Variants in LINGO1 observed in about 807,000 individuals in gnomAD.
The protein encoded by LINGO1 is leucine-rich repeat and immunoglobulin-like domain-containing nogo receptor-interacting protein 1.
LINGO1 carries 11 observed loss-of-function variants against 37.3 expected under a neutral mutation model. That is an observed-to-expected ratio of 0.29 (90% CI 0.19 to 0.49). The LOEUF (loss-of-function observed/expected upper bound fraction) is 0.49, where lower values mean the gene tolerates loss of function less well. Ranked by LOEUF, LINGO1 falls within the 20% of genes least tolerant of loss-of-function variation. The pLI is 0.99. For missense variants in LINGO1, 585 were observed against 878.2 expected (o/e 0.67, Z 4.22); for synonymous variants, 387 against 403.0 (o/e 0.96, Z 0.48).
At chr15:77,775,761 T>C (rs2076631240) in intron 1 of LINGO1, among the ~76,000 whole-genome samples, 1 of 151,640 alleles carries the variant, frequency 6.6e-6, no homozygotes, top group South Asian at 2.1e-4. Flanking sequence ...GTTAGTTTCC[T>C]AAGTCTGAAA....
chr15:77,669,392 C>T (rs1440836066), intron 3 of LINGO1, among the ~76,000 whole-genome samples: 1 of 152,258 alleles, frequency 6.6e-6, no homozygotes, highest in Non-Finnish European at 1.5e-5. Context: ...TCTCATCTCA[C>T]TCCTTCATCT....
At chr15:77,818,767 T>TGGCGCCCGGAGCGGCTCCAGCGC (rs2077069557) in intron 1 of LINGO1, among the ~76,000 whole-genome samples, 1 of 152,004 alleles carries the variant, frequency 6.6e-6, no homozygotes, top group Non-Finnish European at 1.5e-5. Flanking sequence ...CATAGTAGTC[T>TGGCGCCCGGAGCGGCTCCAGCGC]GGCGCCCGGA....
chr15:77,758,417 T>C (rs2076441750), intron 1 of LINGO1, among the ~76,000 whole-genome samples: 1 of 152,150 alleles, frequency 6.6e-6, no homozygotes, highest in Admixed American at 6.5e-5. Flanking sequence ...TTGACCTTTC[T>C]TGGGTATTTC....
chr15:77,641,650 C>A, intron 3 of LINGO1: 1 of 357,950 alleles, frequency 2.8e-6, no homozygotes, highest in Non-Finnish European at 5.5e-6. Flanking sequence ...GAGGAGTGGG[C>A]GTGGTAGGAG....
intron 1 of LINGO1, among the ~76,000 whole-genome samples, chr15:77,816,384 C>T (rs1426494589): frequency 2.6e-5 from 4 of 152,216 alleles, no homozygotes; most frequent in African/African-American, 9.6e-5. Flanking sequence ...ACGGAAGAAA[C>T]TCTGAGACTG....
intron 3 of LINGO1, among the ~76,000 whole-genome samples, chr15:77,643,377 G>A (rs1001920638): frequency 7.2e-5 from 11 of 152,206 alleles, no homozygotes; most frequent in South Asian, 2.1e-4. Flanking sequence ...GAGGTCCGCA[G>A]TGGGAAGGGC....
intron 1 of LINGO1, among the ~76,000 whole-genome samples, chr15:77,624,160 CCT>C (rs1461104273): frequency 3.9e-5 from 2 of 50,804 alleles, no homozygotes; most frequent in African/African-American, 1.1e-4. Flanking sequence ...GTGTGAGTGG[CCT>C]CTGTGTGTGT....
chr15:77,700,062 CAG>C (rs1285978841), upstream of LINGO1, among the ~76,000 whole-genome samples: 1 of 152,172 alleles, frequency 6.6e-6, no homozygotes, highest in Non-Finnish European at 1.5e-5. Context: ...TTAGCATTCT[CAG>C]GGTTTCAGGA....
intron 1 of LINGO1, among the ~76,000 whole-genome samples, chr15:77,818,871 C>T (rs2077070698): frequency 6.6e-6 from 1 of 151,854 alleles, no homozygotes; most frequent in Non-Finnish European, 1.5e-5. Flanking sequence ...CTCCGCCCGC[C>T]AGACGGCCCG....
At chr15:77,806,486 T>C (rs577742461) in intron 1 of LINGO1, among the ~76,000 whole-genome samples, 29 of 152,254 alleles carry the variant, frequency 1.9e-4, no homozygotes, top group African/African-American at 5.8e-4. Context: ...TTCAGGTCCC[T>C]GGGGCGAGCT....
intron 2 of LINGO1, among the ~76,000 whole-genome samples, chr15:77,723,800 G>C (rs2141318178): frequency 6.6e-6 from 1 of 152,320 alleles, no homozygotes; most frequent in East Asian, 1.9e-4. Flanking sequence ...CCAGCTGGGG[G>C]GCATCAGGGG....
At chr15:77,641,331 G>A (rs1465848734) in intron 3 of LINGO1, among the ~76,000 whole-genome samples, 2 of 152,194 alleles carry the variant, frequency 1.3e-5, no homozygotes, top group Non-Finnish European at 2.9e-5. Flanking sequence ...AAGAGCAGGG[G>A]AGTTTGAACC....
intron 1 of LINGO1, among the ~76,000 whole-genome samples, chr15:77,799,579 C>A (rs11637766): frequency 0.18 from 27,185 of 152,136 alleles, 2,876 homozygotes; most frequent in Admixed American, 0.32. Context: ...CTTGCCTCCT[C>A]CTCCCCCAGC....
Position 77,632,159 on chromosome 15 carries a change from G to A in LINGO1, c.6+151C>T, listed in dbSNP as rs1798226711. On this transcript the variant is annotated intron_variant, in intron 1 of 1. Transcript: ENST00000355300. This position sits in a 1 kb window ranked among gnomAD's most constrained non-coding sequence, Gnocchi z 6.0. ...AGAATTTTCATTTCTGAGGCTTGAGGGGAAATCAGGCCTATGACCCCAAAG... is the reference window on the plus strand; with the variant it reads ...AGAATTTTCATTTCTGAGGCTTGAGAGGAAATCAGGCCTATGACCCCAAAG... 8 of 661,188 alleles carry A rather than the reference G, an allele frequency of 1.2e-5. No homozygotes were observed. Among genetic ancestry groups the A allele is most frequent in the Admixed American group, 4.4e-5 (1 of 22,536 alleles). The allele number at this position is 661,188 out of a possible 1,614,324, so 41.0% of individuals were successfully genotyped here. A position where few individuals can be genotyped will look rare whatever the true frequency, so the allele number is the denominator to read the frequency against.
At chr15:77,799,839 G>T (rs762457984) in intron 1 of LINGO1, among the ~76,000 whole-genome samples, 4 of 152,134 alleles carry the variant, frequency 2.6e-5, no homozygotes, top group African/African-American at 9.7e-5. Flanking sequence ...TATTGAGAGA[G>T]TAAGAGGGAA....
intron 2 of LINGO1, among the ~76,000 whole-genome samples, chr15:77,712,128 C>G (rs1269387186): frequency 6.6e-6 from 1 of 152,192 alleles, no homozygotes; most frequent in Admixed American, 6.5e-5. Flanking sequence ...TTGCATCCTT[C>G]TAGGTGACTT....
At chr15:77,709,859 T>A (rs773589719) in intron 2 of LINGO1, among the ~76,000 whole-genome samples, 4 of 152,136 alleles carry the variant, frequency 2.6e-5, no homozygotes, top group African/African-American at 4.8e-5. Flanking sequence ...ACAGGGAAGG[T>A]GGGAGCCAAC....
At position 77,687,977 on chromosome 15, in the gene LINGO1, C is replaced by T. The variant is rs374273449; in HGVS notation, c.-99+2743G>A. ...ATCCTTGCGGACAGGCTCAACCCAG[C>T]GGCTCCTTGCTTTTAAGCCACCTTG... is the stretch of plus-strand genomic sequence containing the variant. On this transcript the variant is annotated intron_variant, in intron 2 of 3. Transcript: ENST00000559893. Among the ~76,000 whole-genome samples, 240 of 152,222 alleles carry T rather than the reference C, an allele frequency of 1.6e-3. 1 individual carries two copies. Among genetic ancestry groups the T allele is most frequent in the Non-Finnish European group, 2.6e-3 (175 of 68,006 alleles).
intron 1 of LINGO1, among the ~76,000 whole-genome samples, chr15:77,753,142 C>T (rs1271750306): frequency 1.3e-5 from 2 of 152,224 alleles, no homozygotes; most frequent in Non-Finnish European, 1.5e-5. Flanking sequence ...GAACAGAGAC[C>T]TGACTGCCTC....
Sources: gnomAD v4.1 joint callset for allele counts (sites outside exome capture counted in the v4.1 genomes callset) on GRCh38, gnomAD v4.1.1 for gene constraint, Gnocchi (gnomAD v3.1) non-coding constraint, MANE v1.5 for transcripts, NCBI Gene and HGNC (gene_info 2026-07-23, HGNC 2026-07-21) for gene names.